The following CASP1 variants were observed in gnomAD, a reference collection of about 807,000 sequenced individuals.
CASP1 encodes caspase 1, also known as caspase-1.
A neutral mutation model predicts 41.2 loss-of-function variants in CASP1; 31 were observed. The ratio of observed to expected loss-of-function variants is 0.75; its 90% confidence interval spans 0.57 to 1.02. CASP1 has a LOEUF of 1.02. Among genes scored for constraint, CASP1 ranks in the 50% least tolerant of loss-of-function variants. CASP1 has a pLI of 0.00. For missense variants in CASP1, 490 were observed against 495.7 expected (o/e 0.99, Z 0.11); for synonymous variants, 163 against 166.5 (o/e 0.98, Z 0.16).
chr11:105,026,865 C>T lies in CASP1; in HGVS notation c.1093G>A (p.Asp365Asn), dbSNP rs868580263. Residue 365 changes from aspartate (D) to asparagine (N), a missense_variant, in exon 8 of 9, where the codon GAT becomes AAT. Coordinates refer to ENST00000533400, the MANE Select transcript of CASP1 (RefSeq NM_001257118.3). ...ACCTTGCGGAAAATTTCCTCCACAT[C>T]ACAGGAACAGGCATATTCTTGCATA... ...EHMQEYACSC[D>N]VEEIFRKVRF... The T allele has an allele frequency of 1.9e-6, 3 of 1,604,920 alleles. No individual in the cohort carries two copies. Among genetic ancestry groups the T allele is most frequent in the South Asian group, 1.1e-5 (1 of 90,878 alleles).
upstream of CASP1, chr11:105,035,301 C>T: frequency 1.3e-6 from 1 of 747,386 alleles, no homozygotes; most frequent in South Asian, 1.7e-5. Flanking sequence ...AAATTTTCTT[C>T]ACCAGCCCTT....
chr11:105,035,192 T>A (rs1002589916), upstream of CASP1: 28 of 1,569,626 alleles, frequency 1.8e-5, no homozygotes, highest in Non-Finnish European at 2.3e-5. Context: ...CCTGTACATG[T>A]ATTGGGAAAT....
At chr11:105,034,565 T>A in intron 1 of CASP1, 91 bp from the exon 2 acceptor site, 1 of 1,568,368 alleles carries the variant, frequency 6.4e-7, no homozygotes, top group South Asian at 1.2e-5. Context: ...TTAGATTTCA[T>A]CAGTGAAATG....
At chr11:105,032,271 G>T (rs968678197) in intron 3 of CASP1, among the ~76,000 whole-genome samples, 1 of 152,036 alleles carries the variant, frequency 6.6e-6, no homozygotes. Flanking sequence ...TAAAATGTTG[G>T]ATTTCTTCAT....
chr11:105,035,321 A>C, upstream of CASP1: 1 of 617,566 alleles, frequency 1.6e-6, no homozygotes, highest in East Asian at 2.7e-5. Flanking sequence ...TGGATAGATC[A>C]GGGTAGGAGG....
rs777258208 is a variant in CASP1, at chr11:105,026,392, T to C, written c.1117-36A>G. The C allele has an allele frequency of 2.2e-6, 3 of 1,389,848 alleles. No homozygotes were observed. The Admixed American group carries it at 5.9e-5, about 27-fold the overall frequency. The allele number at this position is 1,389,848 out of a possible 1,614,324, so 86.1% of individuals were successfully genotyped here. A position where few individuals can be genotyped will look rare whatever the true frequency, so the allele number is the denominator to read the frequency against. On this transcript the variant is annotated intron_variant, in intron 8 of 8. Coordinates refer to ENST00000533400, the MANE Select transcript of CASP1 (RefSeq NM_001257118.3). ...AAGGAAAGTCTGTAGCCCTTTTTTTTGCTGAGTTTTTTTTTTCAAGAATTT... is the reference window on the plus strand; with the variant it reads ...AAGGAAAGTCTGTAGCCCTTTTTTTCGCTGAGTTTTTTTTTTCAAGAATTT...
At chr11:105,027,656 T>A (rs531604) in intron 7 of CASP1, among the ~76,000 whole-genome samples, 14,382 of 152,118 alleles carry the variant, frequency 0.095, 960 homozygotes, top group Admixed American at 0.21. Context: ...CCAGTTCTAA[T>A]GGTCATAAAG....
intron 7 of CASP1, among the ~76,000 whole-genome samples, chr11:105,028,787 T>C (rs750839320): frequency 2.0e-5 from 3 of 152,112 alleles, no homozygotes; most frequent in South Asian, 4.1e-4. Flanking sequence ...CTATAAATAT[T>C]TGATGTCTGG....
At chr11:105,028,865 T>A (rs1193738588) in intron 7 of CASP1, among the ~76,000 whole-genome samples, 1 of 152,198 alleles carries the variant, frequency 6.6e-6, no homozygotes, top group Non-Finnish European at 1.5e-5. Flanking sequence ...TCTAATGTAC[T>A]ACAGCACATA....
chr11:105,028,848 G>A (rs145427816), intron 7 of CASP1, among the ~76,000 whole-genome samples: 1 of 152,236 alleles, frequency 6.6e-6, no homozygotes, highest in African/African-American at 2.4e-5. Flanking sequence ...TCTATGCAGA[G>A]TCAGATTCTA....
At position 105,026,920 on chromosome 11, in the gene CASP1, G is replaced by T; in HGVS notation, c.1038C>A (p.Gly346=). ...CAATGAGTCTTCCAATAAAAACAGA[G>T]CCCATTGTGGGATGTCTCCAAGAAA... ...DNVSWRHPTM[G]SVFIGRLIEH... The change falls in exon 8 of 9, where the codon GGC becomes GGA. Residue 346 remains glycine, a synonymous_variant. Transcript: ENST00000533400. 1 of 1,605,280 alleles carries T rather than the reference G, an allele frequency of 6.2e-7. No homozygotes were observed. Among genetic ancestry groups the T allele is most frequent in the Non-Finnish European group, 8.5e-7 (1 of 1,172,224 alleles).
chr11:105,036,341 C>T (rs1279439586), upstream of CASP1, among the ~76,000 whole-genome samples: 2 of 152,102 alleles, frequency 1.3e-5, no homozygotes, highest in Admixed American at 6.6e-5. Flanking sequence ...TCAGTCAAAA[C>T]ATATCATGGT....
intron 2 of CASP1, 119 bp downstream of exon 2, chr11:105,034,089 T>C (rs747433611): frequency 1.4e-5 from 21 of 1,537,208 alleles, no homozygotes; most frequent in Non-Finnish European, 3.6e-6. Flanking sequence ...TACAGAAATA[T>C]GGCCCTGAAG....
At chr11:105,035,206 C>G, upstream of CASP1, 1 of 1,489,402 alleles carries the variant, frequency 6.7e-7, no homozygotes, top group South Asian at 1.1e-5. Flanking sequence ...GGGAAATACT[C>G]ACTGTGCATG....
chr11:105,036,498 A>T (rs1864025488), upstream of CASP1, among the ~76,000 whole-genome samples: 3 of 152,162 alleles, frequency 2.0e-5, no homozygotes, highest in South Asian at 6.2e-4. Flanking sequence ...ATGTAATTGA[A>T]TCATGGGTGC....
At chr11:105,034,077 G>T in intron 2 of CASP1, 131 bp downstream of exon 2, 1 of 1,462,026 alleles carries the variant, frequency 6.8e-7, no homozygotes, top group Non-Finnish European at 9.5e-7. Flanking sequence ...TAGGGACCCT[G>T]CTACAGAAAT....
upstream of CASP1, chr11:105,035,191 G>A: frequency 1.9e-6 from 3 of 1,582,110 alleles, no homozygotes; most frequent in Non-Finnish European, 2.6e-6. Flanking sequence ...GCCTGTACAT[G>A]TATTGGGAAA....
At chr11:105,035,616 C>CTGTTTTTTTTT (rs1555005424), upstream of CASP1, among the ~76,000 whole-genome samples, 19 of 52,072 alleles carry the variant, frequency 3.6e-4, no homozygotes, top group South Asian at 9.2e-4. Context: ...TTTTTTCTTT[C>CTGTTTTTTTTT]TGTTTTTTTT....
Position 105,029,275 on chromosome 11 carries a change from GAC to G in CASP1, c.863-10_863-9del. ...ACACCACACCAGGGCTGTCTGGAAA[GAC>G]ACAGTTTGATTTGTTACTACTACCA... On this transcript the variant is annotated splice_polypyrimidine_tract_variant and intron_variant, in intron 6 of 8. Transcript: ENST00000533400. 3 of 1,607,830 alleles carry G rather than the reference GAC, an allele frequency of 1.9e-6. No homozygotes were observed. Among genetic ancestry groups the G allele is most frequent in the East Asian group, 2.2e-5 (1 of 44,826 alleles).
Sources: gnomAD v4.1 joint callset for allele counts (sites outside exome capture counted in the v4.1 genomes callset) on GRCh38, gnomAD v4.1.1 for gene constraint, MANE v1.5 for transcripts, NCBI Gene and HGNC (gene_info 2026-07-23, HGNC 2026-07-21) for gene names.